Variants in DOK3 observed in about 807,000 individuals in gnomAD.
DOK3 encodes the protein docking protein 3, also known as Dok-like protein.
A neutral mutation model predicts 26.2 loss-of-function variants in DOK3; 23 were observed. The ratio of observed to expected loss-of-function variants is 0.88; its 90% CI spans 0.63 to 1.24. DOK3 has a LOEUF of 1.24. DOK3 is among the 50% of genes most tolerant of loss of function. The probability of loss-of-function intolerance (pLI) is 0.00; values close to 1 mark genes in which losing one functional copy is unlikely to be tolerated. For missense variants in DOK3, 619 were observed against 610.6 expected (o/e 1.01, Z -0.15); for synonymous variants, 268 against 268.2 (o/e 1.00, Z 0.01).
intron 2 of DOK3, 86 bp downstream of exon 2, chr5:177,509,389 C>T (rs1200425919): frequency 3.3e-6 from 5 of 1,524,224 alleles, no homozygotes; most frequent in Middle Eastern, 1.8e-4. Context: ...CCCAGGTCTG[C>T]CTGGGCTGTC....
rs1759734388 is a variant in DOK3 at position 177,504,320 on chromosome 5, C to A, written c.986G>T (p.Cys329Phe). 1 of 1,601,866 alleles carries A rather than the reference C, an allele frequency of 6.2e-7. No homozygotes were observed. Among genetic ancestry groups the A allele is most frequent in the South Asian group, 1.1e-5 (1 of 89,446 alleles). Residue 329 changes from cysteine (C) to phenylalanine (F), a missense_variant, in exon 6 of 6, where the codon TGC becomes TTC. By Grantham distance (205) the Cys-to-Phe change is radical. Transcript: ENST00000510898. The part of the protein sequence containing the change: ...DLASGLYASV[C>F]KRASGPPGNE... The stretch of plus-strand genomic sequence containing the variant: ...GCCTGGGGGCCCACTGGCACGCTTG[C>A]ACACTGAAGCGTAGAGCCCGGACGC...
In DOK3 at chr5:177,503,241, G is replaced by C. The variant is rs1759539825; in HGVS notation, c.*742C>G. On this transcript the variant is annotated 3_prime_UTR_variant, in exon 6 of 6. Transcript: ENST00000510898. The stretch of plus-strand genomic sequence containing the variant: ...CTGGAATGTCGGCTCCCGGAGAACA[G>C]GACCAAGGCTGTCCTGAACACGGCT... 5 of 1,551,640 alleles carry C rather than the reference G, an allele frequency of 3.2e-6. No individual in the cohort carries two copies. Among genetic ancestry groups the C allele is most frequent in the Non-Finnish European group, 3.5e-6 (4 of 1,146,926 alleles).
chr5:177,504,926 T>C lies in DOK3; in HGVS notation c.473-11A>G. 6.3e-6 allele frequency: 10 copies of C among 1,575,952 alleles called. No homozygotes were observed. The highest frequency in any genetic ancestry group is 8.6e-6 in the Non-Finnish European group (10 of 1,159,756). On this transcript the variant is annotated splice_polypyrimidine_tract_variant and intron_variant, in intron 4 of 5. Transcript: ENST00000510898. ...CGGGAAACTCGCCCACTGTGGCAGG[T>C]GGCCAGGACAGCTCCGTCAGTCCCA...
Position 177,504,011 on chromosome 5 carries a change from T to C in DOK3, c.1295A>G (p.Lys432Arg). ...LVTLLSRERR[K>R]GPAPCDRP Reference sequence around the variant, plus strand: ...GGGCCGGTCACAAGGGGCTGGGCCCTTCCTCCGCTCACGACTCAGCAGGGT... The same window carrying C: ...GGGCCGGTCACAAGGGGCTGGGCCCCTCCTCCGCTCACGACTCAGCAGGGT... The change falls in exon 6 of 6, where the codon AAG becomes AGG. Residue 432 changes from lysine to arginine, a missense_variant. Coordinates refer to ENST00000510898, the MANE Select transcript of DOK3 (RefSeq NM_001308236.3). 1 of 1,563,778 alleles carries C rather than the reference T, an allele frequency of 6.4e-7. No homozygotes were observed. The highest frequency in any genetic ancestry group is 8.7e-7 in the Non-Finnish European group (1 of 1,154,654).
Position 177,504,387 on chromosome 5 carries a change from G to C in DOK3, c.919C>G (p.Gln307Glu). 1 of 1,567,364 alleles carries C rather than the reference G, an allele frequency of 6.4e-7. No individual in the cohort carries two copies. Among genetic ancestry groups the C allele is most frequent in the Non-Finnish European group, 8.7e-7 (1 of 1,155,782 alleles). ...GGGCCTAGCAGTAGCGGCAGGCTCT[G>C]GGGTCCGGGCTCGGCCAGGTGCATT... is the stretch of plus-strand genomic sequence containing the variant. Reference protein sequence around the residue: ...RKMHLAEPGPQSLPLLLGPEP... With the variant: ...RKMHLAEPGPESLPLLLGPEP... Residue 307 changes from glutamine to glutamate, a missense_variant, in exon 6 of 6, where the codon CAG becomes GAG. By Grantham distance (29) the Gln-to-Glu change is conservative (BLOSUM62 2). Coordinates refer to ENST00000510898, the MANE Select transcript of DOK3 (RefSeq NM_001308236.3).
In DOK3 at chr5:177,503,814, A is replaced by G; in HGVS notation, c.*169T>C. The stretch of plus-strand genomic sequence containing the variant: ...TTATCTGTGAGTCTGCACACTATTC[A>G]TGAGGAGGGCAGGGCAGGGCTGAGG... On this transcript the variant is annotated 3_prime_UTR_variant, in exon 6 of 6. Coordinates refer to ENST00000510898, the MANE Select transcript of DOK3 (RefSeq NM_001308236.3). The G allele has an allele frequency of 7.0e-7, 1 of 1,432,164 alleles. No individual in the cohort carries two copies. The highest frequency in any genetic ancestry group is 2.5e-5 in the East Asian group (1 of 39,834). The allele number at this position is 1,432,164 out of a possible 1,614,324, so 88.7% of individuals were successfully genotyped here.
Position 177,509,525 on chromosome 5 carries a change from T to A in DOK3, c.16A>T (p.Thr6Ser). Residue 6 changes from threonine to serine, a missense_variant, in exon 2 of 6, where the codon ACC becomes TCC. By Grantham distance (58) the Thr-to-Ser change is moderately conservative (BLOSUM62 1). Transcript: ENST00000510898. Reference sequence around the variant, plus strand: ...TAGAGGATGCCATCCTTGATAGGGGTCTCCAGAGGGTCCATGGTCACGGCC... The same window carrying A: ...TAGAGGATGCCATCCTTGATAGGGGACTCCAGAGGGTCCATGGTCACGGCC... Reference protein sequence around the residue: MDPLETPIKDGILYQQ... With the variant: MDPLESPIKDGILYQQ... 1.9e-6 allele frequency: 3 copies of A among 1,610,154 alleles called. No homozygotes were observed. The highest frequency in any genetic ancestry group is 1.7e-6 in the Non-Finnish European group (2 of 1,178,282).
intron 3 of DOK3, among the ~76,000 whole-genome samples, chr5:177,505,336 G>C (rs1477588627): frequency 6.6e-6 from 1 of 152,136 alleles, no homozygotes; most frequent in African/African-American, 2.4e-5. Flanking sequence ...GTGCTTGAGG[G>C]TGTCTGAGAG....
At chr5:177,509,703 G>A (rs989616600) in intron 1 of DOK3, 46 bp from the exon 2 acceptor site, 1 of 1,606,796 alleles carries the variant, frequency 6.2e-7, no homozygotes, top group Non-Finnish European at 8.5e-7. Context: ...CAGGGGCTGG[G>A]GGCAGCATGT....
rs763550784 is a variant in DOK3 at position 177,503,000 on chromosome 5, G to T, written c.*983C>A. ...AGGTGGCGGCCAGAGGATGAGGCTT[G>T]GACAGGAGAGAGCAAAAATTGTGTG... On this transcript the variant is annotated 3_prime_UTR_variant, in exon 6 of 6. Transcript: ENST00000510898. 34 of 1,461,210 alleles carry T rather than the reference G, an allele frequency of 2.3e-5. No homozygotes were observed. The African/African-American group carries it at 4.2e-4, about 18-fold the overall frequency. 90.5% of individuals were successfully genotyped at this position (1,461,210 alleles called of 1,614,324 possible).
chr5:177,503,103 T>G lies in DOK3; in HGVS notation c.*880A>C. Reference sequence around the variant, plus strand: ...GGAGTTGCGGTGAGGGGCTGGGCAGTCAGAGCCCTGGAGGCATGACGCTTG... The same window carrying G: ...GGAGTTGCGGTGAGGGGCTGGGCAGGCAGAGCCCTGGAGGCATGACGCTTG... On this transcript the variant is annotated 3_prime_UTR_variant, in exon 6 of 6. Transcript: ENST00000510898. 6.4e-7 allele frequency: 1 copy of G among 1,550,664 alleles called. No individual in the cohort carries two copies. The highest frequency in any genetic ancestry group is 8.7e-7 in the Non-Finnish European group (1 of 1,146,282).
At chr5:177,510,041 G>T, upstream of DOK3, 1 of 753,128 alleles carries the variant, frequency 1.3e-6, no homozygotes, top group Non-Finnish European at 2.2e-6. Flanking sequence ...GTGTTCACCT[G>T]CTCCTCTCCA....
rs200684546 is a variant in DOK3, at chr5:177,509,646, G to C, written c.-106C>G. On this transcript the variant is annotated 5_prime_UTR_variant, in exon 2 of 6. Transcript: ENST00000510898. ...CCTTCTGGCCACTTCCCGTCCCTCC[G>C]TCTAGAGACAGCTGCAGGCCGGGGG... The C allele has an allele frequency of 1.3e-6, 2 of 1,588,354 alleles. No individual in the cohort carries two copies. The highest frequency in any genetic ancestry group is 1.1e-5 in the South Asian group (1 of 87,270).
chr5:177,504,230 G>C lies in DOK3; in HGVS notation c.1076C>G (p.Pro359Arg). Residue 359 changes from proline to arginine, a missense_variant, in exon 6 of 6, where the codon CCT becomes CGT. Pro to Arg is a moderately radical substitution (Grantham distance 103). Coordinates refer to ENST00000510898, the MANE Select transcript of DOK3 (RefSeq NM_001308236.3). ...EASPTLHGGE[P>R]EPHEGPGSRS... The stretch of plus-strand genomic sequence containing the variant: ...GCTGCCGGGGCCCTCGTGCGGCTCA[G>C]GTTCCCCACCGTGCAGCGTGGGGCT... 2.5e-6 allele frequency: 4 copies of C among 1,612,034 alleles called. No homozygotes were observed. The highest frequency in any genetic ancestry group is 3.4e-6 in the Non-Finnish European group (4 of 1,179,156).
Position 177,503,270 on chromosome 5 carries a change from T to TC in DOK3, c.*712dup. On this transcript the variant is annotated 3_prime_UTR_variant, in exon 6 of 6. Coordinates refer to ENST00000510898, the MANE Select transcript of DOK3 (RefSeq NM_001308236.3). ...CAAGGCTGTCCTGAACACGGCTGTG[T>TC]CCCCCAGCGCCTGGCACTGAGTAGG... 1 of 1,551,096 alleles carries TC rather than the reference T, an allele frequency of 6.4e-7. No individual in the cohort carries two copies. Among genetic ancestry groups the TC allele is most frequent in the Non-Finnish European group, 8.7e-7 (1 of 1,146,508 alleles).
At position 177,502,109 on chromosome 5, in the gene DOK3, G is replaced by A. The variant is rs557201527; in HGVS notation, c.*1874C>T. On this transcript the variant is annotated 3_prime_UTR_variant, in exon 6 of 6. Coordinates refer to ENST00000510898, the MANE Select transcript of DOK3 (RefSeq NM_001308236.3). ...GGTAGGAGGAATAGCAAGTAACGGG[G>A]GTGTTTCAAGAACCAGAGCCGAGTG... 1.3e-5 allele frequency: 2 copies of A among 152,318 alleles called. No individual in the cohort carries two copies. Among genetic ancestry groups the A allele is most frequent in the East Asian group, 3.9e-4 (2 of 5,184 alleles). 9.4% of individuals were successfully genotyped at this position (152,318 alleles called of 1,614,324 possible). A position where few individuals can be genotyped will look rare whatever the true frequency, so the allele number is the denominator to read the frequency against.
Position 177,503,854 on chromosome 5 carries a change from C to G in DOK3, c.*129G>C. ...CAGGGCTGAGGTCCTCCACAGGCGG[C>G]CTGCCTTGTTCCTGCAGGCCAGGGT... On this transcript the variant is annotated 3_prime_UTR_variant, in exon 6 of 6. Transcript: ENST00000510898. The G allele has an allele frequency of 7.0e-7, 1 of 1,435,540 alleles. No homozygotes were observed. The highest frequency in any genetic ancestry group is 2.5e-5 in the East Asian group (1 of 39,954). 88.9% of individuals were successfully genotyped at this position (1,435,540 alleles called of 1,614,324 possible). A position where few individuals can be genotyped will look rare whatever the true frequency, so the allele number is the denominator to read the frequency against.
At chr5:177,511,054 C>T (rs1375752147), upstream of DOK3, 1 of 152,432 alleles carries the variant, frequency 6.6e-6, no homozygotes, top group East Asian at 1.9e-4. Flanking sequence ...CATCTAGGTC[C>T]TCACAGCTCA....
chr5:177,508,959 A>G (rs1291300987), intron 2 of DOK3: 1 of 213,030 alleles, frequency 4.7e-6, no homozygotes, highest in Non-Finnish European at 9.3e-6. Flanking sequence ...GCTGTTAAGG[A>G]AGGAAACATG....
Sources: gnomAD v4.1 joint callset for allele counts (sites outside exome capture counted in the v4.1 genomes callset) on GRCh38, gnomAD v4.1.1 for gene constraint, MANE v1.5 for transcripts, NCBI Gene and HGNC (gene_info 2026-07-23, HGNC 2026-07-21) for gene names.